The following TPPP variants were observed in gnomAD, a reference collection of about 807,000 sequenced individuals.
TPPP encodes the protein tubulin polymerization promoting protein.
In TPPP, 6 loss-of-function variants were observed where a neutral mutation model predicts 15.5. The ratio of observed to expected loss-of-function variants is 0.39; its 90% confidence interval spans 0.21 to 0.77. The LOEUF is 0.77. Among genes scored for constraint, TPPP ranks in the 30% least tolerant of loss-of-function variants. TPPP has a pLI of 0.42. For synonymous variants in TPPP, 146 were observed against 133.9 expected (o/e 1.09, Z -0.63); for missense variants, 269 against 307.2 (o/e 0.88, Z 0.93).
intron 2 of TPPP, among the ~76,000 whole-genome samples, chr5:671,829 A>G (rs1296029329): frequency 6.6e-6 from 1 of 152,218 alleles, no homozygotes; most frequent in Non-Finnish European, 1.5e-5. Context: ...AGCCCGGGAC[A>G]GGGTGGCACC....
At chr5:687,926 A>C (rs1289520448) in intron 1 of TPPP, among the ~76,000 whole-genome samples, 1 of 77,390 alleles carries the variant, frequency 1.3e-5, no homozygotes, top group Non-Finnish European at 2.9e-5. Context: ...GAGGGTATCC[A>C]AGTGCCCAGT....
chr5:677,224 A>T (rs2126902061), intron 2 of TPPP, among the ~76,000 whole-genome samples: 1 of 152,234 alleles, frequency 6.6e-6, no homozygotes, highest in East Asian at 1.9e-4. Context: ...GGGCTGGGGG[A>T]CACCCGAATG....
chr5:698,387 T>C, the TPPP span, among the ~76,000 whole-genome samples: 26 of 152,158 alleles, frequency 1.7e-4, no homozygotes, highest in African/African-American at 6.3e-4. Flanking sequence ...CCCTTTCTGT[T>C]GGTGAAATTA....
At chr5:685,681 T>C (rs1740747500) in intron 1 of TPPP, among the ~76,000 whole-genome samples, 1 of 152,234 alleles carries the variant, frequency 6.6e-6, no homozygotes, top group East Asian at 1.9e-4. Context: ...TGGTGCCCTC[T>C]GCCTCTGGGA....
upstream of TPPP, among the ~76,000 whole-genome samples, chr5:698,065 A>G (rs527257060): frequency 3.5e-4 from 51 of 147,266 alleles, no homozygotes; most frequent in Non-Finnish European, 3.4e-4. Context: ...GATAAAAACC[A>G]TATGATCATT....
chr5:678,153 G>T, intron 1 of TPPP, 89 bp from the exon 2 acceptor site: 7 of 1,364,694 alleles, frequency 5.1e-6, no homozygotes, highest in Non-Finnish European at 6.8e-6. Context: ...GTACCAATGA[G>T]CACCAGGACG....
rs1467876512 is a variant in TPPP at position 664,006 on chromosome 5, GGGCTCTGCTCAGCCCCCTGCT to G, written c.*1075_*1095del. On this transcript the variant is annotated 3_prime_UTR_variant, in exon 4 of 4. Coordinates refer to ENST00000360578, the MANE Select transcript of TPPP (RefSeq NM_007030.3). ...CCTGGCAGTGTGGAGTGTCCTGGAT[GGGCTCTGCTCAGCCCCCTGCT>G]GGCAGAGAAACCCCCACAGACACTG... 1.3e-5 allele frequency: 2 copies of G among 152,578 alleles called. No individual in the cohort carries two copies. The allele number at this position is 152,578 out of a possible 1,614,324, so 9.5% of individuals were successfully genotyped here.
intron 2 of TPPP, among the ~76,000 whole-genome samples, chr5:667,325 A>G (rs1366539442): frequency 6.6e-6 from 1 of 152,200 alleles, no homozygotes; most frequent in Non-Finnish European, 1.5e-5. Flanking sequence ...GAGAGAAAGG[A>G]CTGTTTCTTC....
chr5:680,930 C>G (rs992981559), intron 1 of TPPP, among the ~76,000 whole-genome samples: 1 of 152,234 alleles, frequency 6.6e-6, no homozygotes, highest in Non-Finnish European at 1.5e-5. Flanking sequence ...GAGCAGGACA[C>G]GGGCCACAGA....
intron 3 of TPPP, 179 bp from the exon 4 acceptor site, chr5:665,475 T>G (rs1739857951): frequency 3.0e-6 from 2 of 659,984 alleles, no homozygotes; most frequent in African/African-American, 1.8e-5. Flanking sequence ...TGGGGCAGCC[T>G]TGGGCCTGCG....
rs956270582 is a variant in TPPP at position 673,178 on chromosome 5, G to A, written c.311+4572C>T. ...CAAAAGCAACTCCCACAGGCCCGCC[G>A]CCACCACCCCTTGCTTTCCCCGGAA... On this transcript the variant is annotated intron_variant, in intron 2 of 3. Transcript: ENST00000360578. Among the ~76,000 whole-genome samples, 6 of 152,152 alleles carry A rather than the reference G, an allele frequency of 3.9e-5. No homozygotes were observed. The East Asian group carries it at 5.8e-4, about 15-fold the overall frequency.
At chr5:692,045 G>T (rs1309532757) in intron 1 of TPPP, among the ~76,000 whole-genome samples, 3 of 66,770 alleles carry the variant, frequency 4.5e-5, no homozygotes, top group Non-Finnish European at 8.0e-5. Context: ...TATCAAAACA[G>T]CAGCCCCCAA....
At chr5:681,214 T>C (rs1740612132) in intron 1 of TPPP, among the ~76,000 whole-genome samples, 1 of 152,160 alleles carries the variant, frequency 6.6e-6, no homozygotes, top group Non-Finnish European at 1.5e-5. Flanking sequence ...GAGCCCTGGG[T>C]GCAGACCCTC....
intron 1 of TPPP, among the ~76,000 whole-genome samples, chr5:679,596 G>A (rs1165212470): frequency 6.6e-6 from 1 of 152,160 alleles, no homozygotes; most frequent in Non-Finnish European, 1.5e-5. Flanking sequence ...AGGAGGAGCA[G>A]CTGAGAAATT....
At chr5:689,233 ACCT>A (rs758543299) in intron 1 of TPPP, among the ~76,000 whole-genome samples, 187 of 6,612 alleles carry the variant, frequency 0.028, no homozygotes, top group African/African-American at 0.072. Context: ...GTTTGAAGCC[ACCT>A]CCATACCCCA....
At chr5:691,578 TCAAAACAATAGCCCCCAACCCCC>T (rs1740865220) in intron 1 of TPPP, among the ~76,000 whole-genome samples, 1 of 9,876 alleles carries the variant, frequency 1.0e-4, no homozygotes, top group African/African-American at 6.4e-4. Context: ...CCAACCCCCA[TCAAAACAATAGCCCCCAACCCCC>T]ATCAAAACAG....
At chr5:676,881 CACACGACGCAGAAACGCGCACGCGCGCAT>C (rs796796976) in intron 2 of TPPP, among the ~76,000 whole-genome samples, 3,782 of 141,586 alleles carry the variant, frequency 0.027, 156 homozygotes, top group African/African-American at 0.11. Flanking sequence ...GAAACATGCA[CACACGACGCAGAAACGCGCACGCGCGCAT>C]ACACGACGCA....
intron 2 of TPPP, among the ~76,000 whole-genome samples, chr5:677,039 GGAAACGCACACACGTGCACACA>G (rs1043094664): frequency 1.4e-5 from 2 of 147,374 alleles, no homozygotes; most frequent in African/African-American, 5.1e-5. Context: ...CACACGACGC[GGAAACGCACACACGTGCACACA>G]GAAACGCGCA....
upstream of TPPP, among the ~76,000 whole-genome samples, chr5:693,692 A>G (rs1190767179): frequency 1.3e-5 from 2 of 151,142 alleles, no homozygotes; most frequent in Middle Eastern, 3.4e-3. Flanking sequence ...CCGGACCCCG[A>G]TCTCTCCGCC....
Sources: gnomAD v4.1 joint callset for allele counts (sites outside exome capture counted in the v4.1 genomes callset) on GRCh38, gnomAD v4.1.1 for gene constraint, MANE v1.5 for transcripts, NCBI Gene and HGNC (gene_info 2026-07-23, HGNC 2026-07-21) for gene names.